THAP9: variants seen among roughly 807,000 people sequenced by gnomAD.
THAP9 encodes the protein DNA transposase THAP9.
In THAP9, 20 loss-of-function variants were observed where a neutral mutation model predicts 35.7. That is an observed-to-expected ratio of 0.56 (90% CI 0.39 to 0.81). THAP9 has a LOEUF of 0.81. THAP9 is among the 40% of genes least tolerant of loss of function. The pLI, the probability that THAP9 is intolerant of heterozygous loss-of-function variation, is 0.00. For synonymous variants in THAP9, 335 were observed against 373.7 expected, an observed-to-expected ratio of 0.90 and a Z score of 1.19; for missense variants, 870 against 1,047.4, an observed-to-expected ratio of 0.83 and a Z score of 2.34.
At chr4:82,906,686 T>G (rs1720662828) in intron 3 of THAP9, 59 bp downstream of exon 3, 1 of 1,468,858 alleles carries the variant, frequency 6.8e-7, no homozygotes. Flanking sequence ...TGAGGTACCA[T>G]TAAGTATTTA....
In THAP9 at chr4:82,917,955, T is replaced by A. The variant is rs139432194; in HGVS notation, c.1743T>A (p.Ala581=). 225 of 1,613,916 alleles carry A rather than the reference T, an allele frequency of 1.4e-4. No individual in the cohort carries two copies. Among genetic ancestry groups the A allele is most frequent in the Non-Finnish European group, 1.8e-4 (214 of 1,179,978 alleles). ...GATTCCTGGGATTTTTGCTCAATGCTGAGAGCTTAAAATGGCTCTACCAAA... is the reference window on the plus strand; with the variant it reads ...GATTCCTGGGATTTTTGCTCAATGCAGAGAGCTTAAAATGGCTCTACCAAA... ...KLGFLGFLLN[A]ESLKWLYQNY... Residue 581 remains alanine (A), a synonymous_variant, in exon 5 of 5, where the codon GCT becomes GCA. Coordinates refer to ENST00000302236, the MANE Select transcript of THAP9 (RefSeq NM_024672.6).
In THAP9 at chr4:82,917,312, C is replaced by T. The variant is rs1173048021; in HGVS notation, c.1100C>T (p.Thr367Ile). ...TIGKLSDIGI[T>I]VLAVTSDATA... ...GGTAAACTGAGTGACATAGGAATCACAGTTCTGGCTGTTACATCTGATGCC... is the reference window on the plus strand; with the variant it reads ...GGTAAACTGAGTGACATAGGAATCATAGTTCTGGCTGTTACATCTGATGCC... Residue 367 changes from threonine (T) to isoleucine (I), a missense_variant, in exon 5 of 5, where the codon ACA becomes ATA. Physicochemically the swap from Thr to Ile is moderately conservative, Grantham distance 89. Around this residue, in one of 3 missense-constraint regions of THAP9, gnomAD observed 440 missense variants for 501.2 expected, o/e 0.88. Transcript: ENST00000302236. The T allele has an allele frequency of 1.9e-6, 3 of 1,613,796 alleles. No individual in the cohort carries two copies. Among genetic ancestry groups the T allele is most frequent in the Non-Finnish European group, 2.5e-6 (3 of 1,179,878 alleles).
chr4:82,901,232 C>T, intron 1 of THAP9: 1 of 527,634 alleles, frequency 1.9e-6, no homozygotes, highest in Admixed American at 2.3e-5. Context: ...TGTGTGGCGT[C>T]TTCCTGAGCA....
Position 82,907,351 on chromosome 4 carries a change from A to AT in THAP9, c.581-422dup, listed in dbSNP as rs34019572. 4.3e-4 allele frequency among the ~76,000 whole-genome samples: 65 copies of AT among 149,784 alleles called. 1 individual carries two copies. Among genetic ancestry groups the AT allele is most frequent in the Admixed American group, 2.1e-3 (31 of 15,114 alleles). On this transcript the variant is annotated intron_variant, in intron 3 of 4. Transcript: ENST00000302236. ...AATAGGAATCCCCACCAGGAACAGA[A>AT]TTTTTTTTTTTTCTCTTGATATTAG...
At position 82,917,225 on chromosome 4, in the gene THAP9, G is replaced by A; in HGVS notation, c.1013G>A (p.Gly338Asp). The stretch of plus-strand genomic sequence containing the variant: ...TTTGGCCATTGGAGAACACCTCTTG[G>A]TTATTTTTTTGTAAACAGAGCATCT... ...GIFGHWRTPL[G>D]YFFVNRASGY... The change falls in exon 5 of 5, where the codon GGT becomes GAT. Residue 338 changes from glycine to aspartate, a missense_variant. Around this residue, in one of 3 missense-constraint regions of THAP9, gnomAD observed 440 missense variants for 501.2 expected, o/e 0.88. Coordinates refer to ENST00000302236, the MANE Select transcript of THAP9 (RefSeq NM_024672.6). 6.2e-7 allele frequency: 1 copy of A among 1,614,074 alleles called. No individual in the cohort carries two copies. The highest frequency in any genetic ancestry group is 8.5e-7 in the Non-Finnish European group (1 of 1,180,002).
chr4:82,912,386 G>A (rs1720894189), intron 4 of THAP9, among the ~76,000 whole-genome samples: 1 of 152,156 alleles, frequency 6.6e-6, no homozygotes, highest in Admixed American at 6.5e-5. Context: ...AGAATCAAAA[G>A]TAACAACAGT....
In THAP9 at chr4:82,916,018, G is replaced by A. The variant is rs543826381; in HGVS notation, c.732-926G>A. Among the ~76,000 whole-genome samples the A allele has an allele frequency of 1.1e-3, 174 of 152,280 alleles. 1 individual carries two copies. Among genetic ancestry groups the A allele is most frequent in the African/African-American group, 4.1e-3 (169 of 41,562 alleles). On this transcript the variant is annotated intron_variant, in intron 4 of 4. Coordinates refer to ENST00000302236, the MANE Select transcript of THAP9 (RefSeq NM_024672.6). ...AAAGCCCTATCCCAAAATACTTAGGGAAGAACATTAAACTCTCAATTAAGT... is the reference window on the plus strand; with the variant it reads ...AAAGCCCTATCCCAAAATACTTAGGAAAGAACATTAAACTCTCAATTAAGT...
intron 2 of THAP9, 137 bp from the exon 3 acceptor site, chr4:82,906,187 T>C (rs1251048116): frequency 2.9e-6 from 2 of 700,496 alleles, no homozygotes; most frequent in Non-Finnish European, 4.5e-6. Context: ...ATTAAAACAT[T>C]CAGAGATTAT....
At position 82,906,353 on chromosome 4, in the gene THAP9, A is replaced by G; in HGVS notation, c.306A>G (p.Lys102=). The G allele has an allele frequency of 6.2e-7, 1 of 1,606,576 alleles. No homozygotes were observed. The highest frequency in any genetic ancestry group is 8.5e-7 in the Non-Finnish European group (1 of 1,175,982). Residue 102 remains lysine, a synonymous_variant, in exon 3 of 5, where the codon AAA becomes AAG. Transcript: ENST00000302236. The part of the protein sequence containing the change: ...KIPQGVHLKG[K]ARQKILKQPL... ...CTCAAGGTGTACATCTTAAAGGTAA[A>G]GCAAGACAAAAAATCCTAAAACAAC...
intron 1 of THAP9, 26 bp from the exon 2 acceptor site, chr4:82,904,710 A>G (rs753952144): frequency 6.2e-7 from 1 of 1,608,020 alleles, no homozygotes; most frequent in Non-Finnish European, 8.5e-7. Flanking sequence ...TTTCATGTTA[A>G]TGGAACTTTA....
At chr4:82,903,897 T>C (rs1261555999) in intron 1 of THAP9, among the ~76,000 whole-genome samples, 1 of 152,134 alleles carries the variant, frequency 6.6e-6, no homozygotes, top group Non-Finnish European at 1.5e-5. Context: ...GCCAGATACC[T>C]TACCACAGAG....
In THAP9 at chr4:82,918,930, C is replaced by G; in HGVS notation, c.*6C>G. ...ATGGATATCCATTCAAATGAGAGAC[C>G]TAAAATATATTAACATTTTAATTAA... On this transcript the variant is annotated 3_prime_UTR_variant, in exon 5 of 5. Transcript: ENST00000302236. The G allele has an allele frequency of 1.3e-6, 2 of 1,544,008 alleles. No homozygotes were observed. The highest frequency in any genetic ancestry group is 1.7e-6 in the Non-Finnish European group (2 of 1,145,580).
At chr4:82,901,599 A>G (rs1011874243) in intron 1 of THAP9, among the ~76,000 whole-genome samples, 1 of 152,202 alleles carries the variant, frequency 6.6e-6, no homozygotes, top group Non-Finnish European at 1.5e-5. Flanking sequence ...TAAAGGATAG[A>G]AAGTGCAAAT....
At chr4:82,916,160 G>T (rs1297116707) in intron 4 of THAP9, among the ~76,000 whole-genome samples, 1 of 152,170 alleles carries the variant, frequency 6.6e-6, no homozygotes, top group Non-Finnish European at 1.5e-5. Context: ...GAACATCCTA[G>T]TCTCTCCCTC....
chr4:82,918,965 A>T lies in THAP9; in HGVS notation c.*41A>T. 1.4e-6 allele frequency: 2 copies of T among 1,441,160 alleles called. No homozygotes were observed. Among genetic ancestry groups the T allele is most frequent in the Middle Eastern group, 2.5e-4 (1 of 3,958 alleles). The allele number at this position is 1,441,160 out of a possible 1,614,324, so 89.3% of individuals were successfully genotyped here. ...TTAACATTTTAATTAAGAATACTTG[A>T]TCAACATTTTTTGAAGTTCAATTTA... On this transcript the variant is annotated 3_prime_UTR_variant, in exon 5 of 5. Transcript: ENST00000302236.
chr4:82,909,765 A>T (rs191421778), intron 4 of THAP9, among the ~76,000 whole-genome samples: 3 of 152,252 alleles, frequency 2.0e-5, no homozygotes. Context: ...ATAAATATTC[A>T]CTTTTTGCTA....
chr4:82,909,672 A>G (rs546193896), intron 4 of THAP9, among the ~76,000 whole-genome samples: 4 of 152,078 alleles, frequency 2.6e-5, no homozygotes, highest in Non-Finnish European at 5.9e-5. Flanking sequence ...TTGTTTTTTC[A>G]TATATTTTGA....
At position 82,918,697 on chromosome 4, in the gene THAP9, AT is replaced by A; in HGVS notation, c.2486del (p.Ile829ThrfsTer8). ...TCTCTTTGATGGAGAAGTGTGTGCCATCAATCACTTTGTCAAGTTGCTAAAG... is the reference window on the plus strand; with the variant it reads ...TCTCTTTGATGGAGAAGTGTGTGCCACAATCACTTTGTCAAGTTGCTAAAG... ...KHLFDGEVCA[I>X]NHFVKLLKDI... On this transcript the variant is annotated frameshift_variant, in exon 5 of 5. Transcript: ENST00000302236. LOFTEE classifies it low-confidence loss of function (END_TRUNC). 2.5e-6 allele frequency: 4 copies of A among 1,614,054 alleles called. No homozygotes were observed. Among genetic ancestry groups the A allele is most frequent in the Non-Finnish European group, 3.4e-6 (4 of 1,179,932 alleles).
intron 4 of THAP9, among the ~76,000 whole-genome samples, chr4:82,916,178 C>T (rs528308459): frequency 6.6e-6 from 1 of 152,258 alleles, no homozygotes; most frequent in South Asian, 2.1e-4. Flanking sequence ...CTCAGAATCC[C>T]TTTAGTTTTA....
Sources: allele counts gnomAD v4.1 joint callset (sites outside exome capture counted in the v4.1 genomes callset), GRCh38; gene constraint gnomAD v4.1.1; regional missense constraint gnomAD v4.1.1; transcripts MANE v1.5; gene names NCBI Gene and HGNC (gene_info 2026-07-23, HGNC 2026-07-21).